MICU1: variants seen among roughly 807,000 people sequenced by gnomAD.
The protein encoded by MICU1 is calcium uptake protein 1, mitochondrial.
A neutral mutation model predicts 56.8 loss-of-function variants in MICU1; 45 were observed. The observed-to-expected ratio is 0.79, with a 90% CI of 0.62 to 1.02. The LOEUF (loss-of-function observed/expected upper bound fraction) is 1.02, where lower values mean the gene tolerates loss of function less well. MICU1 is among the 50% of genes least tolerant of loss of function. The pLI, the probability that MICU1 is intolerant of heterozygous loss-of-function variation, is 0.00. For missense variants in MICU1, 504 were observed against 587.1 expected (o/e 0.86, Z 1.46); for synonymous variants, 186 against 195.1 (o/e 0.95, Z 0.39).
intron 3 of MICU1, among the ~76,000 whole-genome samples, chr10:72,551,821 T>C (rs1840042582): frequency 6.6e-6 from 1 of 152,160 alleles, no homozygotes; most frequent in African/African-American, 2.4e-5. Flanking sequence ...ATTTTTGTAG[T>C]GAGAGGGTCT....
chr10:72,500,556 G>A (rs1425606640), intron 6 of MICU1, among the ~76,000 whole-genome samples: 9 of 151,298 alleles, frequency 5.9e-5, no homozygotes, highest in African/African-American at 2.2e-4. Flanking sequence ...TCCTGACCTC[G>A]AATGATCTTC....
At chr10:72,456,944 CAGGT>C (rs1156949140) in intron 8 of MICU1, among the ~76,000 whole-genome samples, 1 of 93,218 alleles carries the variant, frequency 1.1e-5, no homozygotes, top group Non-Finnish European at 2.0e-5. Flanking sequence ...CTATATTGCC[CAGGT>C]GTGTGTGTGT....
intron 8 of MICU1, among the ~76,000 whole-genome samples, chr10:72,463,122 G>A (rs1240436019): frequency 1.3e-5 from 2 of 151,708 alleles, no homozygotes; most frequent in Non-Finnish European, 2.9e-5. Flanking sequence ...GGAGTGCAAT[G>A]GCACGATCTC....
chr10:72,480,077 G>GAA (rs1344649669), intron 6 of MICU1, among the ~76,000 whole-genome samples: 1 of 152,232 alleles, frequency 6.6e-6, no homozygotes, highest in African/African-American at 2.4e-5. Context: ...AGTTGGAAAA[G>GAA]AAAGGCCAGC....
intron 1 of MICU1, among the ~76,000 whole-genome samples, chr10:72,581,485 G>A (rs1224174571): frequency 1.3e-5 from 2 of 152,110 alleles, no homozygotes; most frequent in African/African-American, 4.8e-5. Flanking sequence ...AAAATTAGCT[G>A]GGCATGGTGG....
At chr10:72,425,321 A>G (rs1476775802) in intron 8 of MICU1, among the ~76,000 whole-genome samples, 1 of 152,244 alleles carries the variant, frequency 6.6e-6, no homozygotes, top group Non-Finnish European at 1.5e-5. Flanking sequence ...CTCACCAGAT[A>G]GATTCATGGT....
intron 9 of MICU1, among the ~76,000 whole-genome samples, chr10:72,413,052 C>A (rs1423849323): frequency 1.3e-5 from 2 of 151,706 alleles, no homozygotes; most frequent in Non-Finnish European, 2.9e-5. Context: ...CAGAAATTAG[C>A]CAGGCATGGT....
intron 8 of MICU1, among the ~76,000 whole-genome samples, chr10:72,450,454 T>C (rs932798937): frequency 1.3e-5 from 2 of 151,828 alleles, no homozygotes; most frequent in African/African-American, 4.8e-5. Flanking sequence ...TCAGATGAGA[T>C]GATGTTTCTG....
At chr10:72,406,139 A>G (rs35180770) in intron 10 of MICU1, among the ~76,000 whole-genome samples, 1 of 152,152 alleles carries the variant, frequency 6.6e-6, no homozygotes, top group Non-Finnish European at 1.5e-5. Flanking sequence ...TAGCAAAATT[A>G]CAGAATATAA....
chr10:72,467,101 C>A lies in MICU1; in HGVS notation c.933+7999G>T, dbSNP rs371658307. 9.2e-5 allele frequency among the ~76,000 whole-genome samples: 14 copies of A among 152,108 alleles called. No homozygotes were observed. The East Asian group carries it at 2.3e-3, about 25-fold the overall frequency. ...CCGACCTCCACCTCCTGGGTCCAGG[C>A]GATTCTTGTGCCTCAGCCTCCCGAG... On this transcript the variant is annotated intron_variant, in intron 8 of 11. Transcript: ENST00000361114.
At chr10:72,506,397 C>T (rs1358834274) in intron 6 of MICU1, among the ~76,000 whole-genome samples, 1 of 152,192 alleles carries the variant, frequency 6.6e-6, no homozygotes, top group Non-Finnish European at 1.5e-5. Flanking sequence ...TACAAGTATA[C>T]ATTTTATACC....
intron 6 of MICU1, among the ~76,000 whole-genome samples, chr10:72,499,108 A>G (rs1303898439): frequency 1.3e-5 from 2 of 152,218 alleles, no homozygotes; most frequent in Non-Finnish European, 2.9e-5. Context: ...AAATTATAAA[A>G]TCGCCCTCAA....
At chr10:72,590,039 A>G (rs180986840) in intron 1 of MICU1, among the ~76,000 whole-genome samples, 13 of 152,324 alleles carry the variant, frequency 8.5e-5, no homozygotes, top group Admixed American at 6.5e-4. Flanking sequence ...CTACCAGCAT[A>G]TAAGTCTCTC....
intron 4 of MICU1, among the ~76,000 whole-genome samples, chr10:72,535,036 T>TCTCATC (rs1564923363): frequency 3.6e-5 from 5 of 139,930 alleles, no homozygotes; most frequent in African/African-American, 1.6e-4. Flanking sequence ...TTTTATTTTA[T>TCTCATC]TTATTTATTT....
intron 2 of MICU1, among the ~76,000 whole-genome samples, chr10:72,564,339 G>A (rs1477260605): frequency 1.3e-5 from 2 of 152,014 alleles, no homozygotes; most frequent in East Asian, 1.9e-4. Flanking sequence ...TCAGGAGTTC[G>A]AGACCTGCCT....
intron 4 of MICU1, among the ~76,000 whole-genome samples, chr10:72,546,733 T>C (rs889336799): frequency 2.0e-5 from 3 of 152,144 alleles, no homozygotes; most frequent in Non-Finnish European, 4.4e-5. Flanking sequence ...TTTATTATTA[T>C]TACTATTATT....
intron 8 of MICU1, among the ~76,000 whole-genome samples, chr10:72,454,769 C>T (rs1400367509): frequency 3.1e-5 from 4 of 130,400 alleles, no homozygotes; most frequent in South Asian, 4.8e-4. Context: ...GGTGACAGAG[C>T]GAAACTCCAT....
At chr10:72,553,391 G>A (rs1035092820) in intron 3 of MICU1, among the ~76,000 whole-genome samples, 36 of 152,094 alleles carry the variant, frequency 2.4e-4, no homozygotes, top group Admixed American at 5.2e-4. Flanking sequence ...CCGCCACCAC[G>A]CCCGGCTAAT....
intron 1 of MICU1, among the ~76,000 whole-genome samples, chr10:72,623,138 G>A (rs563362344): frequency 2.0e-5 from 3 of 151,492 alleles, no homozygotes; most frequent in South Asian, 2.1e-4. Flanking sequence ...GCGTGGTGGC[G>A]CACGCTCCTG....
Sources: gnomAD v4.1 joint callset for allele counts (sites outside exome capture counted in the v4.1 genomes callset) on GRCh38, gnomAD v4.1.1 for gene constraint, MANE v1.5 for transcripts, NCBI Gene and HGNC (gene_info 2026-07-23, HGNC 2026-07-21) for gene names.